LUZP2: variants seen among roughly 807,000 people sequenced by gnomAD.
The protein encoded by LUZP2 is leucine zipper protein 2.
LUZP2 carries 52 observed loss-of-function variants against 51.6 expected under a neutral mutation model. The ratio of observed to expected loss-of-function variants is 1.01; its 90% CI spans 0.81 to 1.27. The LOEUF (loss-of-function observed/expected upper bound fraction) is 1.27. Ranked by LOEUF, LUZP2 falls within the 50% of genes most tolerant of loss-of-function variation. The pLI is 0.00. For missense variants in LUZP2, 436 were observed against 395.4 expected, an observed-to-expected ratio of 1.10 and a Z score of -0.87; for synonymous variants, 154 against 137.3, an observed-to-expected ratio of 1.12 and a Z score of -0.85.
At chr11:24,907,896 T>A (rs113310785) in intron 6 of LUZP2, among the ~76,000 whole-genome samples, 10 of 152,326 alleles carry the variant, frequency 6.6e-5, no homozygotes, top group African/African-American at 2.4e-4. Flanking sequence ...TATTGAAATG[T>A]ATTGTCATGC....
At chr11:25,014,893 T>G (rs903488281) in intron 9 of LUZP2, among the ~76,000 whole-genome samples, 23 of 152,156 alleles carry the variant, frequency 1.5e-4, no homozygotes, top group African/African-American at 5.3e-4. Context: ...AGTCTAACAT[T>G]TAAGTCTTTA....
rs117165707 is a variant in LUZP2, at chr11:24,915,378, G to A, written c.522+840G>A. Among the ~76,000 whole-genome samples, 1,202 of 151,978 alleles carry A rather than the reference G, an allele frequency of 7.9e-3. 6 individuals are homozygous for A. Among genetic ancestry groups the A allele is most frequent in the Non-Finnish European group, 0.012 (836 of 67,954 alleles). On this transcript the variant is annotated intron_variant, in intron 7 of 11. Transcript: ENST00000336930. The stretch of plus-strand genomic sequence containing the variant: ...GGTTCCTCATATAATCATGATGGTC[G>A]CTAAAGATATACATATTGTGTCTTC...
At chr11:24,692,094 T>C (rs1310492898) in intron 1 of LUZP2, among the ~76,000 whole-genome samples, 2 of 152,036 alleles carry the variant, frequency 1.3e-5, no homozygotes, top group African/African-American at 4.8e-5. Context: ...ATTTTACGTT[T>C]TTTTTTTCTA....
chr11:24,644,490 CTT>C (rs959341202), intron 1 of LUZP2, among the ~76,000 whole-genome samples: 5 of 144,766 alleles, frequency 3.5e-5, no homozygotes, highest in African/African-American at 1.0e-4. Context: ...TCCAACCTCT[CTT>C]TTTTTTTTTT....
At chr11:24,863,592 TG>T (rs1565012102) in intron 5 of LUZP2, among the ~76,000 whole-genome samples, 2 of 151,668 alleles carry the variant, frequency 1.3e-5, no homozygotes, top group African/African-American at 4.8e-5. Flanking sequence ...AGAGATTTTT[TG>T]GGGGGAAGCG....
At chr11:24,767,327 C>G (rs1860231083) in intron 5 of LUZP2, among the ~76,000 whole-genome samples, 1 of 152,156 alleles carries the variant, frequency 6.6e-6, no homozygotes, top group Non-Finnish European at 1.5e-5. Context: ...GATATAATAC[C>G]ATTTTTGAAG....
At chr11:24,976,737 G>GCAATGAGCATACTTTAAC in intron 8 of LUZP2, 72 bp downstream of exon 8, 1 of 723,092 alleles carries the variant, frequency 1.4e-6, no homozygotes, top group Non-Finnish European at 2.1e-6. Flanking sequence ...AAAAGTTAAA[G>GCAATGAGCATACTTTAAC]TATGCTCATT....
chr11:24,705,687 G>A (rs1857556788), intron 1 of LUZP2, among the ~76,000 whole-genome samples: 1 of 152,138 alleles, frequency 6.6e-6, no homozygotes, highest in South Asian at 2.1e-4. Flanking sequence ...CTGCTAGTTG[G>A]AATGCTGCCC....
At chr11:24,628,637 C>A (rs1242954066) in intron 1 of LUZP2, among the ~76,000 whole-genome samples, 1 of 152,154 alleles carries the variant, frequency 6.6e-6, no homozygotes, top group African/African-American at 2.4e-5. Context: ...CGGCTCACTG[C>A]AATCTCCACC....
chr11:24,707,530 C>T (rs989213517), intron 1 of LUZP2, among the ~76,000 whole-genome samples: 7 of 152,012 alleles, frequency 4.6e-5, no homozygotes, highest in African/African-American at 1.4e-4. Context: ...ATGGTTCTGG[C>T]GTCTGAGAAG....
chr11:24,639,542 C>T (rs573695227), intron 1 of LUZP2, among the ~76,000 whole-genome samples: 120 of 151,876 alleles, frequency 7.9e-4, no homozygotes, highest in East Asian at 5.8e-4. Flanking sequence ...ACCTCCGCCT[C>T]CTGGGTTCAA....
chr11:24,570,371 G>C (rs552220199), intron 1 of LUZP2, among the ~76,000 whole-genome samples: 2 of 151,872 alleles, frequency 1.3e-5, no homozygotes, highest in African/African-American at 4.8e-5. Flanking sequence ...CATGGCTCAG[G>C]CAATTGAACA....
At chr11:24,540,628 T>G (rs1351518060) in intron 1 of LUZP2, among the ~76,000 whole-genome samples, 1 of 152,098 alleles carries the variant, frequency 6.6e-6, no homozygotes, top group South Asian at 2.1e-4. Context: ...TTTATTATGT[T>G]AGCTTGAGCA....
intron 5 of LUZP2, among the ~76,000 whole-genome samples, chr11:24,895,399 A>C (rs1219971323): frequency 6.6e-6 from 1 of 151,970 alleles, no homozygotes; most frequent in Non-Finnish European, 1.5e-5. Context: ...CAGGGGGTGC[A>C]TGTGTAGGTG....
At position 24,992,221 on chromosome 11, in the gene LUZP2, C is replaced by T. The variant is rs544168149; in HGVS notation, c.765+8928C>T. ...GCATCACCAATACTCCAAAAACAGG[C>T]TGTAAGAAAATCACACTTAGTGGGA... On this transcript the variant is annotated intron_variant, in intron 9 of 11. Coordinates refer to ENST00000336930, the MANE Select transcript of LUZP2 (RefSeq NM_001009909.4). 2.6e-5 allele frequency among the ~76,000 whole-genome samples: 4 copies of T among 152,130 alleles called. No individual in the cohort carries two copies. The South Asian group carries it at 8.3e-4, about 31-fold the overall frequency.
intron 5 of LUZP2, among the ~76,000 whole-genome samples, chr11:24,836,438 G>C (rs1850862032): frequency 1.3e-5 from 2 of 151,712 alleles, no homozygotes; most frequent in African/African-American, 4.8e-5. Flanking sequence ...ATCAAATTTG[G>C]TAGAAATAAA....
intron 1 of LUZP2, among the ~76,000 whole-genome samples, chr11:24,522,006 C>T (rs946316863): frequency 6.6e-6 from 1 of 151,936 alleles, no homozygotes; most frequent in Non-Finnish European, 1.5e-5. Context: ...ATAGGGAAAC[C>T]TGTTTTGAAT....
rs187023454 is a variant in LUZP2 at position 24,499,778 on chromosome 11, T to C, written c.62+2473T>C. ...GAGACTCTTAATGCAAATATATATA[T>C]ATATTTGTTTCATTATATCTTTCTC... On this transcript the variant is annotated intron_variant, in intron 1 of 11. Transcript: ENST00000336930. 1.5e-4 allele frequency among the ~76,000 whole-genome samples: 23 copies of C among 152,160 alleles called. No individual in the cohort carries two copies. In the East Asian group the frequency reaches 4.1e-3, roughly 27 times the overall value.
At chr11:24,923,727 A>G (rs2133820296) in intron 7 of LUZP2, among the ~76,000 whole-genome samples, 1 of 152,176 alleles carries the variant, frequency 6.6e-6, no homozygotes, top group East Asian at 1.9e-4. Flanking sequence ...CTCCCTCTCA[A>G]TGTGCTTACA....
Sources: gnomAD v4.1 joint callset for allele counts (sites outside exome capture counted in the v4.1 genomes callset) on GRCh38, gnomAD v4.1.1 for gene constraint, MANE v1.5 for transcripts, NCBI Gene and HGNC (gene_info 2026-07-23, HGNC 2026-07-21) for gene names.